Variants in TAOK1 observed in about 807,000 individuals in gnomAD.
TAOK1 encodes TAO kinase 1.
Under a neutral mutation model 138.3 loss-of-function variants are expected in TAOK1, and 21 were observed. That is an observed-to-expected ratio of 0.15 (90% CI 0.11 to 0.22). The LOEUF is 0.22. Among genes scored for constraint, TAOK1 ranks in the 10% least tolerant of loss-of-function variants. TAOK1 has a pLI of 1.00. For synonymous variants in TAOK1, 361 were observed against 398.4 expected (o/e 0.91, Z 1.12); for missense variants, 651 against 1,227.7 (o/e 0.53, Z 7.02).
At chr17:29,529,648 TTGAAG>T (rs1341009313) in intron 17 of TAOK1, among the ~76,000 whole-genome samples, 5 of 152,100 alleles carry the variant, frequency 3.3e-5, no homozygotes, top group African/African-American at 1.2e-4. Context: ...GGCAGATCAC[TTGAAG>T]TGAAGAGTGC....
At chr17:29,419,642 C>T (rs1383209378) in intron 1 of TAOK1, among the ~76,000 whole-genome samples, 1 of 151,850 alleles carries the variant, frequency 6.6e-6, no homozygotes, top group Non-Finnish European at 1.5e-5. Context: ...CAGGCACACA[C>T]CACCACGCCT....
At chr17:29,427,925 CAA>C (rs34918500) in intron 1 of TAOK1, among the ~76,000 whole-genome samples, 72,274 of 114,572 alleles carry the variant, frequency 0.63, 20,374 homozygotes, top group East Asian at 0.94. Context: ...GACTCTGTCT[CAA>C]AAAAAAAAAA....
intron 1 of TAOK1, among the ~76,000 whole-genome samples, chr17:29,418,150 G>A (rs190540487): frequency 1.9e-3 from 288 of 152,218 alleles, no homozygotes; most frequent in Non-Finnish European, 3.2e-3. Flanking sequence ...GGCTCCCAAA[G>A]TGCTGGGATT....
chr17:29,435,472 A>G (rs888767838), intron 1 of TAOK1, among the ~76,000 whole-genome samples: 1 of 152,148 alleles, frequency 6.6e-6, no homozygotes, highest in East Asian at 1.9e-4. Flanking sequence ...ATTGGCTTTG[A>G]TGGAACTCTA....
At chr17:29,392,012 C>G (rs547538828) in intron 1 of TAOK1, among the ~76,000 whole-genome samples, 1 of 152,104 alleles carries the variant, frequency 6.6e-6, no homozygotes, top group Non-Finnish European at 1.5e-5. Context: ...GTCAGGAGAT[C>G]GAGACCATCC....
At chr17:29,472,372 C>T (rs2030839503) in intron 3 of TAOK1, among the ~76,000 whole-genome samples, 1 of 150,984 alleles carries the variant, frequency 6.6e-6, no homozygotes, top group African/African-American at 2.4e-5. Context: ...CCTGCCTCAG[C>T]CTCTCGAGTA....
At chr17:29,480,285 A>T in intron 6 of TAOK1, 83 bp from the exon 7 acceptor site, 1 of 959,460 alleles carries the variant, frequency 1.0e-6, no homozygotes, top group East Asian at 2.8e-5. Flanking sequence ...TCTCTATCCT[A>T]TGAATTCTTG....
chr17:29,428,233 G>C (rs78831588), intron 1 of TAOK1, among the ~76,000 whole-genome samples: 1 of 152,114 alleles, frequency 6.6e-6, no homozygotes, highest in African/African-American at 2.4e-5. Context: ...CATCCTCATA[G>C]ATGTTGGGAG....
intron 1 of TAOK1, among the ~76,000 whole-genome samples, chr17:29,429,518 C>T (rs904515034): frequency 1.3e-5 from 2 of 152,096 alleles, no homozygotes; most frequent in African/African-American, 2.4e-5. Context: ...TCAAGTGATC[C>T]GGCTACCTCA....
intron 1 of TAOK1, among the ~76,000 whole-genome samples, chr17:29,398,505 T>C (rs1904732325): frequency 6.8e-6 from 1 of 146,072 alleles, no homozygotes; most frequent in South Asian, 2.2e-4. Context: ...TGCGCCAGGC[T>C]TCTTTTCTTT....
rs1398531455 is a variant in TAOK1 at position 29,533,238 on chromosome 17, C to T, written c.2362-880C>T. On this transcript the variant is annotated intron_variant, in intron 18 of 19. Transcript: ENST00000261716. Reference sequence around the variant, plus strand: ...GCAGAGGCGCTCCCCACATCTCAGACGATGGGCGGCCGGGCAGAGACGCTC... The same window carrying T: ...GCAGAGGCGCTCCCCACATCTCAGATGATGGGCGGCCGGGCAGAGACGCTC... Among the ~76,000 whole-genome samples, 6 of 135,602 alleles carry T rather than the reference C, an allele frequency of 4.4e-5. No homozygotes were observed. In the East Asian group the frequency reaches 6.9e-4, roughly 16 times the overall value. 89.0% of individuals were successfully genotyped at this position (135,602 alleles called of 152,430 possible).
chr17:29,495,696 GA>G lies in TAOK1; in HGVS notation c.969del (p.Pro324GlnfsTer3), dbSNP rs1283894630. ...KKLLFQEAHNGPAVEAQEEEE... is the reference protein window; with the variant it reads ...KKLLFQEAHNXPAVEAQEEEE... ...CTCCTTTTCCAGGAGGCACATAATG[GA>G]CCAGCAGTAGAAGCACAGGAAGAAG... On this transcript the variant is annotated frameshift_variant, in exon 11 of 20. Coordinates refer to ENST00000261716, the MANE Select transcript of TAOK1 (RefSeq NM_020791.4). LOFTEE classifies it high-confidence loss of function. 6.2e-7 allele frequency: 1 copy of G among 1,607,166 alleles called. No individual in the cohort carries two copies. Among genetic ancestry groups the G allele is most frequent in the Non-Finnish European group, 8.5e-7 (1 of 1,175,898 alleles).
intron 3 of TAOK1, among the ~76,000 whole-genome samples, chr17:29,471,569 G>A (rs980738364): frequency 2.0e-5 from 3 of 151,896 alleles, no homozygotes; most frequent in South Asian, 4.2e-4. Context: ...GAGCCACCGC[G>A]CCCAGCTTAA....
chr17:29,498,001 G>A (rs1296204731), intron 11 of TAOK1, among the ~76,000 whole-genome samples: 1 of 152,030 alleles, frequency 6.6e-6, no homozygotes, highest in African/African-American at 2.4e-5. Flanking sequence ...GAGATGTACT[G>A]TAGAAATGGT....
intron 11 of TAOK1, among the ~76,000 whole-genome samples, chr17:29,497,115 A>G (rs1236272173): frequency 1.3e-5 from 2 of 152,066 alleles, no homozygotes; most frequent in East Asian, 1.9e-4. Flanking sequence ...GTGTAAAGCT[A>G]TTTTTTCCCT....
At chr17:29,454,007 G>T (rs1347518364) in intron 2 of TAOK1, among the ~76,000 whole-genome samples, 1 of 149,900 alleles carries the variant, frequency 6.7e-6, no homozygotes, top group Non-Finnish European at 1.5e-5. Flanking sequence ...TTGGAAATGG[G>T]GTTTTGCTAT....
chr17:29,450,633 G>A (rs970022989), intron 1 of TAOK1, among the ~76,000 whole-genome samples: 2 of 152,066 alleles, frequency 1.3e-5, no homozygotes, highest in East Asian at 3.9e-4. Context: ...CGCCTTAGCC[G>A]CCAAAGTAGC....
Position 29,540,673 on chromosome 17 carries a change from C to T in TAOK1, c.2545-1888C>T, listed in dbSNP as rs571762494. On this transcript the variant is annotated intron_variant, in intron 19 of 19. Coordinates refer to ENST00000261716, the MANE Select transcript of TAOK1 (RefSeq NM_020791.4). ...GCAACCTCCGCCTCCTAGGTTCAAGCGATTCTTCTGCTTCAGTCTCCCGAG... is the reference window on the plus strand; with the variant it reads ...GCAACCTCCGCCTCCTAGGTTCAAGTGATTCTTCTGCTTCAGTCTCCCGAG... 5.3e-5 allele frequency among the ~76,000 whole-genome samples: 8 copies of T among 151,736 alleles called. No individual in the cohort carries two copies. The South Asian group carries it at 1.0e-3, about 20-fold the overall frequency.
intron 17 of TAOK1, among the ~76,000 whole-genome samples, chr17:29,528,629 CAGG>C (rs2032051912): frequency 6.6e-6 from 1 of 151,774 alleles, no homozygotes; most frequent in African/African-American, 2.4e-5. Context: ...TGCCTGAGGT[CAGG>C]AGTTCAAGAC....
Sources: gnomAD v4.1 joint callset for allele counts (sites outside exome capture counted in the v4.1 genomes callset) on GRCh38, gnomAD v4.1.1 for gene constraint, MANE v1.5 for transcripts, NCBI Gene and HGNC (gene_info 2026-07-23, HGNC 2026-07-21) for gene names.